ADARB2: variants seen among roughly 807,000 people sequenced by gnomAD.
ADARB2 encodes inactive double-stranded RNA-specific editase B2.
Under a neutral mutation model 62.2 loss-of-function variants are expected in ADARB2, and 25 were observed. The ratio of observed to expected loss-of-function variants is 0.40; its 90% CI spans 0.29 to 0.56. The LOEUF (loss-of-function observed/expected upper bound fraction) is 0.56, where lower values mean the gene tolerates loss of function less well. Ranked by LOEUF, ADARB2 falls within the 20% of genes least tolerant of loss-of-function variation. ADARB2 has a pLI of 0.43. For synonymous variants in ADARB2, 572 were observed against 500.8 expected (o/e 1.14, Z -1.90); for missense variants, 1,071 against 1,077.4 (o/e 0.99, Z 0.08).
intron 1 of ADARB2, among the ~76,000 whole-genome samples, chr10:1,440,084 G>A (rs1316857174): frequency 1.3e-5 from 2 of 149,346 alleles, no homozygotes; most frequent in African/African-American, 5.0e-5. Context: ...TGGGGCTCCT[G>A]AGTCTCCTCA....
intron 1 of ADARB2, among the ~76,000 whole-genome samples, chr10:1,418,077 C>A (rs764472376): frequency 3.3e-5 from 5 of 152,076 alleles, no homozygotes; most frequent in Non-Finnish European, 5.9e-5. Context: ...AGCAGACGGC[C>A]CAGGCAAGGA....
intron 3 of ADARB2, among the ~76,000 whole-genome samples, chr10:1,327,816 TCCTCACAGCTCAGCA>T (rs1417723266): frequency 7.3e-5 from 5 of 68,940 alleles, no homozygotes; most frequent in South Asian, 3.8e-4. Flanking sequence ...GTTCAGCATC[TCCTCACAGCTCAGCA>T]CCTCACAGCT....
intron 1 of ADARB2, among the ~76,000 whole-genome samples, chr10:1,527,777 G>A (rs1232902884): frequency 3.9e-5 from 6 of 152,172 alleles, no homozygotes. Context: ...GCCGTCCAGC[G>A]TGAGATATTT....
intron 8 of ADARB2, among the ~76,000 whole-genome samples, chr10:1,194,297 C>T (rs1836878269): frequency 6.6e-6 from 1 of 152,198 alleles, no homozygotes; most frequent in South Asian, 2.1e-4. Context: ...GCCTGAAGAG[C>T]AAAGACTCAG....
intron 2 of ADARB2, among the ~76,000 whole-genome samples, chr10:1,367,285 A>G (rs1243046877): frequency 6.6e-6 from 1 of 152,206 alleles, no homozygotes; most frequent in Non-Finnish European, 1.5e-5. Flanking sequence ...TCTGCTTTGA[A>G]AGTGCTCTCT....
At position 1,338,826 on chromosome 10, in the gene ADARB2, G is replaced by A. The variant is rs74119527; in HGVS notation, c.1077+24202C>T. On this transcript the variant is annotated intron_variant, in intron 3 of 9. Transcript: ENST00000381312. Reference sequence around the variant, plus strand: ...AGGTTCCAGGTTCTGGAAACAGGGCGGTGGGTGGGCTGTCTGCTTCCTTGC... The same window carrying A: ...AGGTTCCAGGTTCTGGAAACAGGGCAGTGGGTGGGCTGTCTGCTTCCTTGC... Among the ~76,000 whole-genome samples the A allele has an allele frequency of 9.8e-3, 1,488 of 152,208 alleles. 26 individuals are homozygous for A. The highest frequency in any genetic ancestry group is 0.034 in the African/African-American group (1,421 of 41,516).
At chr10:1,656,851 G>T (rs1424312252) in intron 1 of ADARB2, among the ~76,000 whole-genome samples, 3 of 145,290 alleles carry the variant, frequency 2.1e-5, no homozygotes, top group African/African-American at 8.3e-5. Context: ...GTTGCCCAGA[G>T]AATGCTGTGG....
chr10:1,636,395 T>C (rs1833917648), intron 1 of ADARB2, among the ~76,000 whole-genome samples: 1 of 152,120 alleles, frequency 6.6e-6, no homozygotes, highest in Admixed American at 6.5e-5. Context: ...TGTGAGCCTG[T>C]AGTCCCAGCT....
At chr10:1,515,226 C>T (rs990964541) in intron 1 of ADARB2, among the ~76,000 whole-genome samples, 11 of 152,224 alleles carry the variant, frequency 7.2e-5, no homozygotes, top group Non-Finnish European at 1.3e-4. Context: ...GAAGCCTCAA[C>T]GAGGCCACAG....
intron 1 of ADARB2, among the ~76,000 whole-genome samples, chr10:1,736,354 T>C (rs921958228): frequency 6.6e-5 from 10 of 152,232 alleles, no homozygotes; most frequent in Non-Finnish European, 1.2e-4. Context: ...GCCCCAGGAA[T>C]ATCAGTAACA....
intron 1 of ADARB2, among the ~76,000 whole-genome samples, chr10:1,484,422 C>T (rs1380709160): frequency 1.3e-5 from 2 of 152,242 alleles, no homozygotes; most frequent in African/African-American, 2.4e-5. Context: ...TGCCGCCCAC[C>T]GCTCAAGCTC....
At chr10:1,479,299 C>T (rs1469552950) in intron 1 of ADARB2, among the ~76,000 whole-genome samples, 1 of 152,114 alleles carries the variant, frequency 6.6e-6, no homozygotes, top group Non-Finnish European at 1.5e-5. Flanking sequence ...AGGAAGAAGC[C>T]CTGATGTGTG....
chr10:1,480,514 T>C (rs779015717), intron 1 of ADARB2, among the ~76,000 whole-genome samples: 27 of 152,146 alleles, frequency 1.8e-4, no homozygotes, highest in Non-Finnish European at 2.8e-4. Context: ...CTGGCTAACA[T>C]GGTGAAACCC....
intron 7 of ADARB2, among the ~76,000 whole-genome samples, chr10:1,208,091 A>G (rs773944891): frequency 6.6e-6 from 1 of 152,158 alleles, no homozygotes; most frequent in South Asian, 2.1e-4. Flanking sequence ...GTCAATTCTT[A>G]TTGACCTGTG....
intron 1 of ADARB2, among the ~76,000 whole-genome samples, chr10:1,695,256 T>A (rs1834724464): frequency 6.6e-6 from 1 of 152,158 alleles, no homozygotes; most frequent in African/African-American, 2.4e-5. Flanking sequence ...AAGAATGGGC[T>A]CTGCAGAACC....
intron 1 of ADARB2, among the ~76,000 whole-genome samples, chr10:1,682,220 C>T (rs553606084): frequency 2.0e-5 from 3 of 152,256 alleles, no homozygotes; most frequent in Admixed American, 6.5e-5. Context: ...GAGCACTGGG[C>T]GTCGAAGACC....
chr10:1,514,951 A>G (rs1831990622), intron 1 of ADARB2, among the ~76,000 whole-genome samples: 1 of 151,986 alleles, frequency 6.6e-6, no homozygotes, highest in Admixed American at 6.5e-5. Flanking sequence ...ACCACAGTAG[A>G]GAAAGGACAC....
At chr10:1,729,670 T>C (rs1315069235) in intron 1 of ADARB2, among the ~76,000 whole-genome samples, 1 of 152,248 alleles carries the variant, frequency 6.6e-6, no homozygotes, top group East Asian at 1.9e-4. Flanking sequence ...GCCCTAGGTA[T>C]ATGCTTTGAG....
At chr10:1,287,185 C>T (rs1476151624) in intron 3 of ADARB2, among the ~76,000 whole-genome samples, 1 of 152,074 alleles carries the variant, frequency 6.6e-6, no homozygotes, top group Non-Finnish European at 1.5e-5. Context: ...ACAGGATGGT[C>T]CCCTTAAAAG....
Sources: allele counts gnomAD v4.1 joint callset (sites outside exome capture counted in the v4.1 genomes callset), GRCh38; gene constraint gnomAD v4.1.1; transcripts MANE v1.5; gene names NCBI Gene and HGNC (gene_info 2026-07-23, HGNC 2026-07-21).